Variants in OR1D2 observed in about 807,000 individuals in gnomAD.
OR1D2 encodes the protein olfactory receptor family 1 subfamily D member 2, also known as olfactory receptor 1D2.
For missense variants in OR1D2, 357 were observed against 376.1 expected (o/e 0.95, Z 0.42); for synonymous variants, 157 against 153.9 (o/e 1.02, Z -0.15).
chr17:3,099,312 A>C (rs1486197444), intron 1 of OR1D2, among the ~76,000 whole-genome samples: 1 of 152,214 alleles, frequency 6.6e-6, no homozygotes, highest in Non-Finnish European at 1.5e-5. Flanking sequence ...TGACCATCAG[A>C]CTAACAGTGG....
At chr17:3,097,730 G>A (rs1372913930) in intron 1 of OR1D2, among the ~76,000 whole-genome samples, 1 of 152,186 alleles carries the variant, frequency 6.6e-6, no homozygotes, top group East Asian at 1.9e-4. Flanking sequence ...CTTGCAGGAG[G>A]GGCAGCACCC....
At position 3,093,005 on chromosome 17, in the gene OR1D2, C is replaced by T. The variant is rs1401536459; in HGVS notation, c.-9G>A. ...TGGTTGCCTCCATCCATTTCCCCAA[C>T]TCTCTTTTAACATTAACACCAGCAA... On this transcript the variant is annotated 5_prime_UTR_variant, in exon 2 of 2. Coordinates refer to ENST00000641833, the MANE Select transcript of OR1D2 (RefSeq NM_002548.3). 1.2e-6 allele frequency: 2 copies of T among 1,612,884 alleles called. No homozygotes were observed. The highest frequency in any genetic ancestry group is 1.7e-6 in the Non-Finnish European group (2 of 1,179,194).
intron 1 of OR1D2, 113 bp from the exon 2 acceptor site, chr17:3,093,159 A>T (rs2047826288): frequency 1.5e-6 from 1 of 672,130 alleles, no homozygotes; most frequent in South Asian, 2.0e-5. Flanking sequence ...AATATAACAA[A>T]GTTTTTATGC....
Position 3,092,959 on chromosome 17 carries a change from A to G in OR1D2, c.38T>C (p.Leu13Pro), listed in dbSNP as rs1567948027. Residue 13 changes from leucine (L) to proline (P), a missense_variant, in exon 2 of 2, where the codon CTT (leucine) becomes CCT (proline). Physicochemically the swap from Leu to Pro is moderately conservative, Grantham distance 98. Coordinates refer to ENST00000641833, the MANE Select transcript of OR1D2 (RefSeq NM_002548.3). Reference protein sequence around the residue: ...GGNQSEGSEFLLLGMSESPEQ... With the variant: ...GGNQSEGSEFPLLGMSESPEQ... ...AGGACTCTCTGACATCCCCAGGAGA[A>G]GGAACTCTGAACCTTCACTCTGGTT... The G allele has an allele frequency of 6.2e-7, 1 of 1,614,050 alleles. No individual in the cohort carries two copies. The highest frequency in any genetic ancestry group is 1.7e-5 in the Admixed American group (1 of 60,010).
intron 1 of OR1D2, among the ~76,000 whole-genome samples, chr17:3,099,967 C>A (rs966852009): frequency 2.6e-5 from 4 of 152,088 alleles, no homozygotes; most frequent in African/African-American, 4.8e-5. Context: ...ATCAATGCAA[C>A]AAGAAAAGCT....
chr17:3,089,565 C>G lies in OR1D2; in HGVS notation c.*2493G>C, dbSNP rs906509518. On this transcript the variant is annotated 3_prime_UTR_variant, in exon 2 of 2. Transcript: ENST00000641833. ...CCCTAAGGTGGCCTGGATAAGTATT[C>G]CAGTTTCTCAGGTGGTGAGTGGGAC... 2 of 152,234 alleles carry G rather than the reference C, an allele frequency of 1.3e-5. No individual in the cohort carries two copies. Among genetic ancestry groups the G allele is most frequent in the African/African-American group, 4.8e-5 (2 of 41,420 alleles). 9.4% of individuals were successfully genotyped at this position (152,234 alleles called of 1,614,324 possible).
In OR1D2 at chr17:3,090,620, GA is replaced by G. The variant is rs1333493425; in HGVS notation, c.*1437del. The G allele has an allele frequency of 2.0e-5, 3 of 152,328 alleles. No homozygotes were observed. The highest frequency in any genetic ancestry group is 4.1e-4 in the South Asian group (2 of 4,820). The allele number at this position is 152,328 out of a possible 1,614,324, so 9.4% of individuals were successfully genotyped here. On this transcript the variant is annotated 3_prime_UTR_variant, in exon 2 of 2. Transcript: ENST00000641833. Reference sequence around the variant, plus strand: ...TGATAGGGAAAGTCCAATTTGATAGGAACTGTTTTTCACCAGTCAGCTTAGC... The same window carrying G: ...TGATAGGGAAAGTCCAATTTGATAGGACTGTTTTTCACCAGTCAGCTTAGC...
intron 1 of OR1D2, among the ~76,000 whole-genome samples, chr17:3,097,200 T>C (rs537211525): frequency 3.2e-4 from 49 of 152,302 alleles, no homozygotes; most frequent in Admixed American, 5.9e-4. Context: ...TTCACAGTAG[T>C]CTCGAATGAT....
intron 1 of OR1D2, among the ~76,000 whole-genome samples, chr17:3,100,592 A>G (rs1203368073): frequency 6.6e-6 from 1 of 152,164 alleles, no homozygotes; most frequent in African/African-American, 2.4e-5. Flanking sequence ...TCAAATCAAC[A>G]CCCTAACATC....
chr17:3,092,691 G>A lies in OR1D2; in HGVS notation c.306C>T (p.Tyr102=). The part of the protein sequence containing the change: ...ISYAGCLTQL[Y]FLVSLVALDN... ...CCAGGGCCACCAAGGAGACCAGGAAGTAGAGCTGTGTCAGACACCCTGCAT... is the reference window on the plus strand; with the variant it reads ...CCAGGGCCACCAAGGAGACCAGGAAATAGAGCTGTGTCAGACACCCTGCAT... The change falls in exon 2 of 2, where the codon TAC becomes TAT. Residue 102 remains tyrosine (Y), a synonymous_variant. Coordinates refer to ENST00000641833, the MANE Select transcript of OR1D2 (RefSeq NM_002548.3). 5 of 1,614,150 alleles carry A rather than the reference G, an allele frequency of 3.1e-6. No homozygotes were observed. Among genetic ancestry groups the A allele is most frequent in the Non-Finnish European group, 4.2e-6 (5 of 1,180,028 alleles).
chr17:3,098,963 G>A (rs759718493), intron 1 of OR1D2, among the ~76,000 whole-genome samples: 29 of 152,132 alleles, frequency 1.9e-4, no homozygotes, highest in Non-Finnish European at 3.8e-4. Flanking sequence ...AATAAGGGAT[G>A]CAGACAAGAT....
At chr17:3,100,954 C>T (rs951041384) in intron 1 of OR1D2, among the ~76,000 whole-genome samples, 1 of 152,132 alleles carries the variant, frequency 6.6e-6, no homozygotes, top group Non-Finnish European at 1.5e-5. Flanking sequence ...CATATACACC[C>T]TCCCACGGCT....
intron 1 of OR1D2, among the ~76,000 whole-genome samples, chr17:3,096,771 G>A (rs774925771): frequency 6.6e-6 from 1 of 152,180 alleles, no homozygotes; most frequent in Non-Finnish European, 1.5e-5. Context: ...ACAGTATTTG[G>A]AAAATTCAAC....
Position 3,092,395 on chromosome 17 carries a change from G to T in OR1D2, c.602C>A (p.Ala201Asp). The T allele has an allele frequency of 1.2e-6, 2 of 1,614,170 alleles. No individual in the cohort carries two copies. Among genetic ancestry groups the T allele is most frequent in the South Asian group, 2.2e-5 (2 of 91,080 alleles). ...NIQINHTVLI[A>D]TGCFIFLIPF... ...AATGAGGAAGATGAAGCAGCCTGTGGCAATCAGCACTGTGTGATTAATCTG... is the reference window on the plus strand; with the variant it reads ...AATGAGGAAGATGAAGCAGCCTGTGTCAATCAGCACTGTGTGATTAATCTG... Residue 201 changes from alanine (A) to aspartate (D), a missense_variant, in exon 2 of 2, where the codon GCC becomes GAC. Physicochemically the swap from Ala to Asp is moderately radical, Grantham distance 126. Transcript: ENST00000641833.
chr17:3,092,657 T>G lies in OR1D2; in HGVS notation c.340A>C (p.Ile114Leu). Residue 114 changes from isoleucine (I) to leucine (L), a missense_variant, in exon 2 of 2, where the codon ATC becomes CTC. Coordinates refer to ENST00000641833, the MANE Select transcript of OR1D2 (RefSeq NM_002548.3). ...CGGTCATATGCCATCACAGCCAGGATGAGGTTGTCCAGGGCCACCAAGGAG... is the reference window on the plus strand; with the variant it reads ...CGGTCATATGCCATCACAGCCAGGAGGAGGTTGTCCAGGGCCACCAAGGAG... ...LVSLVALDNL[I>L]LAVMAYDRYV... 3 of 1,613,850 alleles carry G rather than the reference T, an allele frequency of 1.9e-6. No individual in the cohort carries two copies. Among genetic ancestry groups the G allele is most frequent in the Non-Finnish European group, 2.5e-6 (3 of 1,179,930 alleles).
At chr17:3,100,709 C>G (rs750982723) in intron 1 of OR1D2, among the ~76,000 whole-genome samples, 9 of 152,082 alleles carry the variant, frequency 5.9e-5, no homozygotes, top group Non-Finnish European at 1.3e-4. Context: ...CAAAAAAACC[C>G]TTCAAAAAAT....
intron 1 of OR1D2, among the ~76,000 whole-genome samples, chr17:3,098,894 AC>A (rs1341925526): frequency 6.6e-6 from 1 of 152,166 alleles, no homozygotes; most frequent in Non-Finnish European, 1.5e-5. Flanking sequence ...CACAAGTATC[AC>A]CAGCTGAACC....
chr17:3,092,480 T>C lies in OR1D2; in HGVS notation c.517A>G (p.Lys173Glu), dbSNP rs759414334. ...MTRVTFCGSR[K>E]IHYIFCEMYV... ...ATCTCACAGAAGATGTAGTGGATTTTTCGTGACCCACAGAAGGTCACTCTG... is the reference window on the plus strand; with the variant it reads ...ATCTCACAGAAGATGTAGTGGATTTCTCGTGACCCACAGAAGGTCACTCTG... Residue 173 changes from lysine to glutamate, a missense_variant, in exon 2 of 2, where the codon AAA (lysine) becomes GAA (glutamate). Lys to Glu is a moderately conservative substitution (Grantham distance 56, BLOSUM62 1). Coordinates refer to ENST00000641833, the MANE Select transcript of OR1D2 (RefSeq NM_002548.3). The C allele has an allele frequency of 6.2e-7, 1 of 1,614,182 alleles. No individual in the cohort carries two copies. The highest frequency in any genetic ancestry group is 1.1e-5 in the South Asian group (1 of 91,078).
chr17:3,095,310 A>G (rs1481219020), intron 1 of OR1D2, among the ~76,000 whole-genome samples: 1 of 152,136 alleles, frequency 6.6e-6, no homozygotes, highest in Non-Finnish European at 1.5e-5. Flanking sequence ...TATGAACAAC[A>G]GACTTCTCAA....
Sources: gnomAD v4.1 joint callset for allele counts (sites outside exome capture counted in the v4.1 genomes callset) on GRCh38, gnomAD v4.1.1 for gene constraint, MANE v1.5 for transcripts, NCBI Gene and HGNC (gene_info 2026-07-23, HGNC 2026-07-21) for gene names.